LNX1: variants seen among roughly 807,000 people sequenced by gnomAD.
The protein encoded by LNX1 is ligand of numb-protein X 1.
A neutral mutation model predicts 68.4 loss-of-function variants in LNX1; 54 were observed. The observed-to-expected ratio is 0.79, with a 90% confidence interval of 0.63 to 0.99. The LOEUF (loss-of-function observed/expected upper bound fraction) is 0.99, where lower values mean the gene tolerates loss of function less well. LNX1 is among the 50% of genes least tolerant of loss of function. The pLI is 0.00. For missense variants in LNX1, 906 were observed against 926.4 expected, an observed-to-expected ratio of 0.98 and a Z score of 0.29; for synonymous variants, 336 against 350.0, an observed-to-expected ratio of 0.96 and a Z score of 0.45.
At chr4:53,531,165 T>C (rs1405141834) in intron 2 of LNX1, among the ~76,000 whole-genome samples, 2 of 152,160 alleles carry the variant, frequency 1.3e-5, no homozygotes. Flanking sequence ...TTGCTTCCAG[T>C]AAGTTAAACT....
chr4:53,638,803 T>A (rs1478305629), intron 1 of LNX1, among the ~76,000 whole-genome samples: 1 of 152,096 alleles, frequency 6.6e-6, no homozygotes. Flanking sequence ...GGTGCCCCAG[T>A]CAGAATGGCT....
intron 2 of LNX1, among the ~76,000 whole-genome samples, chr4:53,564,195 T>C (rs980990157): frequency 6.6e-5 from 10 of 152,246 alleles, no homozygotes; most frequent in African/African-American, 2.4e-4. Context: ...TCAGGCTTCC[T>C]TGAGGTGTGT....
intron 2 of LNX1, among the ~76,000 whole-genome samples, chr4:53,606,681 G>A (rs1258112102): frequency 6.6e-6 from 1 of 152,114 alleles, no homozygotes; most frequent in Admixed American, 6.6e-5. Flanking sequence ...CAATATCTTT[G>A]ATGAACATCA....
At chr4:53,508,916 T>G (rs1472118461) in intron 2 of LNX1, among the ~76,000 whole-genome samples, 1 of 144,586 alleles carries the variant, frequency 6.9e-6, no homozygotes, top group Non-Finnish European at 1.5e-5. Context: ...CATATTTGTC[T>G]CTACCCATTC....
At chr4:53,635,074 C>A (rs909973394) in intron 1 of LNX1, among the ~76,000 whole-genome samples, 7 of 152,194 alleles carry the variant, frequency 4.6e-5, no homozygotes, top group African/African-American at 1.7e-4. Flanking sequence ...AAGCAATCCT[C>A]CTGCCTCAGT....
intron 2 of LNX1, among the ~76,000 whole-genome samples, chr4:53,570,474 T>A (rs1413897755): frequency 2.6e-5 from 3 of 116,886 alleles, no homozygotes; most frequent in African/African-American, 1.0e-4. Flanking sequence ...TGAGATCACA[T>A]GGACACAGGA....
chr4:53,629,498 T>C (rs557333211), intron 1 of LNX1, among the ~76,000 whole-genome samples: 1 of 152,342 alleles, frequency 6.6e-6, no homozygotes, highest in South Asian at 2.1e-4. Flanking sequence ...TCCCAGGACC[T>C]GGAGAGAAAG....
intron 2 of LNX1, among the ~76,000 whole-genome samples, chr4:53,604,281 G>T (rs907068715): frequency 1.3e-5 from 2 of 152,196 alleles, no homozygotes; most frequent in African/African-American, 4.8e-5. Flanking sequence ...AGCATAATAT[G>T]TTCTCCTTAA....
chr4:53,618,898 TG>T (rs1348609444), upstream of LNX1, among the ~76,000 whole-genome samples: 2 of 152,172 alleles, frequency 1.3e-5, no homozygotes, highest in South Asian at 2.1e-4. Flanking sequence ...CAGCTCCTTT[TG>T]TTTTTTTTAT....
In LNX1 at chr4:53,495,548, C is replaced by CTTTTTTTTTTTTTTTTTT. The variant is rs199684639; in HGVS notation, c.1350+474_1350+475insAAAAAAAAAAAAAAAAAA. Among the ~76,000 whole-genome samples, 12 of 119,410 alleles carry CTTTTTTTTTTTTTTTTTT rather than the reference C, an allele frequency of 1.0e-4. 1 individual carries two copies. The highest frequency in any genetic ancestry group is 2.7e-4 in the East Asian group (1 of 3,656). 78.3% of individuals were successfully genotyped at this position (119,410 alleles called of 152,430 possible). A position where few individuals can be genotyped will look rare whatever the true frequency, so the allele number is the denominator to read the frequency against. ...GATCCCTGGAGAATGCATGGCATAG[C>CTTTTTTTTTTTTTTTTTT]TTTTTTTTTTTTTAAGATGGGTCTT... On this transcript the variant is annotated intron_variant, in intron 6 of 10. Transcript: ENST00000263925.
intron 1 of LNX1, among the ~76,000 whole-genome samples, chr4:53,631,861 CTT>C (rs562331667): frequency 6.9e-6 from 1 of 145,718 alleles, no homozygotes; most frequent in Non-Finnish European, 1.5e-5. Context: ...GAGCCTGAGC[CTT>C]TTTTTTTTTA....
At position 53,492,589 on chromosome 4, in the gene LNX1, C is replaced by T. The variant is rs74993616; in HGVS notation, c.1350+3434G>A. Among the ~76,000 whole-genome samples the T allele has an allele frequency of 5.0e-3, 692 of 139,032 alleles. 5 individuals are homozygous for T. The highest frequency in any genetic ancestry group is 7.7e-3 in the Non-Finnish European group (507 of 65,422). The allele number at this position is 139,032 out of a possible 152,430, so 91.2% of individuals were successfully genotyped here. On this transcript the variant is annotated intron_variant, in intron 6 of 10. Transcript: ENST00000263925. ...TTTGGTAAAGAGCTCATTCTCTCTG[C>T]TGTGCATAGAGTAGGAGAGAGATGA...
intron 7 of LNX1, 42 bp downstream of exon 7, chr4:53,481,678 T>C (rs555736564): frequency 1.3e-6 from 2 of 1,592,870 alleles, no homozygotes; most frequent in South Asian, 1.1e-5. Context: ...TCCCAAGAAA[T>C]AGCCCCTTGC....
chr4:53,636,489 C>T (rs929010096), intron 1 of LNX1, among the ~76,000 whole-genome samples: 1 of 152,054 alleles, frequency 6.6e-6, no homozygotes, highest in Non-Finnish European at 1.5e-5. Flanking sequence ...GGCAGAAGGG[C>T]TTGAGTGACC....
At chr4:53,507,159 T>G (rs1725952288) in intron 4 of LNX1, among the ~76,000 whole-genome samples, 158 bp downstream of exon 4, 1 of 152,230 alleles carries the variant, frequency 6.6e-6, no homozygotes, top group Non-Finnish European at 1.5e-5. Context: ...TGCCTTTAGC[T>G]ACATACGTGA....
intron 9 of LNX1, among the ~76,000 whole-genome samples, chr4:53,471,706 C>A (rs1011638029): frequency 1.3e-5 from 2 of 152,106 alleles, no homozygotes; most frequent in Non-Finnish European, 2.9e-5. Flanking sequence ...CAAAAGAAGA[C>A]ATTTATGCAG....
At chr4:53,566,359 A>T (rs1402718082) in intron 2 of LNX1, among the ~76,000 whole-genome samples, 1 of 151,952 alleles carries the variant, frequency 6.6e-6, no homozygotes, top group African/African-American at 2.4e-5. Context: ...TTCTTAAAGA[A>T]AAGAATTTTC....
intron 9 of LNX1, among the ~76,000 whole-genome samples, chr4:53,471,853 A>T (rs1340200561): frequency 6.6e-6 from 1 of 152,134 alleles, no homozygotes; most frequent in African/African-American, 2.4e-5. Flanking sequence ...GCTGGAGAGG[A>T]TGTGGAGAAA....
intron 2 of LNX1, among the ~76,000 whole-genome samples, chr4:53,597,473 A>G (rs1175119870): frequency 3.3e-5 from 5 of 152,122 alleles, no homozygotes. Context: ...TCCATAGAGA[A>G]CTGGTTTTCT....
Sources: allele counts gnomAD v4.1 joint callset (sites outside exome capture counted in the v4.1 genomes callset), GRCh38; gene constraint gnomAD v4.1.1; transcripts MANE v1.5; gene names NCBI Gene and HGNC (gene_info 2026-07-23, HGNC 2026-07-21).